Variants in MGLL observed in about 807,000 individuals in gnomAD.
MGLL encodes lysophospholipase homolog.
In MGLL, 7 loss-of-function variants were observed where a neutral mutation model predicts 29.1. The ratio of observed to expected loss-of-function variants is 0.24; its 90% confidence interval spans 0.14 to 0.45. The LOEUF (loss-of-function observed/expected upper bound fraction) is 0.45. Among genes scored for constraint, MGLL ranks in the 20% least tolerant of loss-of-function variants. MGLL has a pLI of 0.99. For missense variants in MGLL, 356 were observed against 413.6 expected (o/e 0.86, Z 1.21); for synonymous variants, 148 against 168.3 (o/e 0.88, Z 0.93).
rs141993157 is a variant in MGLL, at chr3:127,792,758, C to T, written c.156-10863G>A. ...AAGTGCTTTGAAGATGAAAAGCTGC[C>T]GGTAGGTACCAGTTCACTTCTCTAG... On this transcript the variant is annotated intron_variant, in intron 2 of 7. Transcript: ENST00000265052. Among the ~76,000 whole-genome samples, 1,163 of 152,222 alleles carry T rather than the reference C, an allele frequency of 7.6e-3. 16 individuals are homozygous for T. The highest frequency in any genetic ancestry group is 0.027 in the African/African-American group (1,102 of 41,528).
At chr3:127,788,099 T>A (rs920922649) in intron 2 of MGLL, among the ~76,000 whole-genome samples, 4 of 152,176 alleles carry the variant, frequency 2.6e-5, no homozygotes, top group South Asian at 2.1e-4. Flanking sequence ...CTCCTTTGTA[T>A]AATAAAACAG....
chr3:127,774,290 G>A (rs183879974), intron 3 of MGLL, among the ~76,000 whole-genome samples: 2 of 152,316 alleles, frequency 1.3e-5, no homozygotes, highest in African/African-American at 4.8e-5. Flanking sequence ...CCAAATGACT[G>A]CCACAGCCTC....
intron 5 of MGLL, among the ~76,000 whole-genome samples, chr3:127,717,573 G>C (rs1167143571): frequency 2.0e-5 from 3 of 152,228 alleles, no homozygotes; most frequent in Non-Finnish European, 2.9e-5. Context: ...TTGGCGGAGA[G>C]TGGGAGTATC....
chr3:127,710,773 C>T, intron 5 of MGLL, 108 bp from the exon 6 acceptor site: 1 of 1,034,146 alleles, frequency 9.7e-7, no homozygotes, highest in Non-Finnish European at 1.5e-6. Flanking sequence ...CCAAACTGAA[C>T]ATCAGCCAGG....
At chr3:127,816,083 G>C (rs143922274) in intron 2 of MGLL, among the ~76,000 whole-genome samples, 1 of 152,328 alleles carries the variant, frequency 6.6e-6, no homozygotes, top group Non-Finnish European at 1.5e-5. Flanking sequence ...GTTCAAAATG[G>C]CCACTTGAAG....
At chr3:127,806,133 G>C (rs191141959) in intron 2 of MGLL, among the ~76,000 whole-genome samples, 10 of 152,186 alleles carry the variant, frequency 6.6e-5, no homozygotes, top group African/African-American at 2.4e-4. Flanking sequence ...CATGAGCATG[G>C]GACTGTGAGG....
chr3:127,785,188 TC>T (rs2077192168), intron 2 of MGLL, among the ~76,000 whole-genome samples: 2 of 151,576 alleles, frequency 1.3e-5, no homozygotes, highest in African/African-American at 2.4e-5. Context: ...TGTGAGACCT[TC>T]CCCCCTCCTT....
intron 5 of MGLL, among the ~76,000 whole-genome samples, chr3:127,719,785 G>A (rs1031098938): frequency 2.6e-5 from 4 of 152,166 alleles, no homozygotes; most frequent in African/African-American, 9.7e-5. Flanking sequence ...GTCCCACACA[G>A]CACTGAACTT....
chr3:127,741,894 A>G (rs1036418438), intron 3 of MGLL, among the ~76,000 whole-genome samples: 2 of 152,180 alleles, frequency 1.3e-5, no homozygotes, highest in African/African-American at 4.8e-5. Flanking sequence ...TTATTGCATC[A>G]TTTGTACTCA....
At chr3:127,799,950 T>G (rs950851484) in intron 2 of MGLL, among the ~76,000 whole-genome samples, 2 of 152,264 alleles carry the variant, frequency 1.3e-5, no homozygotes, top group African/African-American at 4.8e-5. Context: ...ACTGTTCATA[T>G]GGCTGCCCAG....
At chr3:127,801,234 G>A (rs547177734) in intron 2 of MGLL, among the ~76,000 whole-genome samples, 125 of 151,376 alleles carry the variant, frequency 8.3e-4, no homozygotes, top group East Asian at 3.9e-4. Flanking sequence ...CCCAGGAAGT[G>A]GAGGTTGCAG....
intron 3 of MGLL, among the ~76,000 whole-genome samples, chr3:127,776,773 A>G (rs1462701187): frequency 1.3e-5 from 2 of 152,220 alleles, no homozygotes; most frequent in African/African-American, 4.8e-5. Context: ...TAATATTTAA[A>G]GCATTTCTGG....
intron 3 of MGLL, among the ~76,000 whole-genome samples, chr3:127,756,736 T>A (rs988454193): frequency 1.3e-5 from 2 of 152,248 alleles, no homozygotes; most frequent in African/African-American, 4.8e-5. Context: ...AATTGACTGT[T>A]ACAACTAGTC....
intron 7 of MGLL, among the ~76,000 whole-genome samples, chr3:127,694,307 A>ATATG (rs1241701398): frequency 8.1e-6 from 1 of 123,804 alleles, no homozygotes; most frequent in African/African-American, 2.9e-5. Flanking sequence ...ATATATATAT[A>ATATG]TGTATGTGTG....
At chr3:127,749,604 C>T (rs1427726505) in intron 3 of MGLL, among the ~76,000 whole-genome samples, 2 of 152,270 alleles carry the variant, frequency 1.3e-5, no homozygotes, top group East Asian at 3.9e-4. Flanking sequence ...GACATTGCAC[C>T]CCTCGCCAGT....
chr3:127,726,185 A>AAAGAAAGAAAGAAAGAAAG (rs61500053), intron 3 of MGLL, among the ~76,000 whole-genome samples: 17 of 66,556 alleles, frequency 2.6e-4, no homozygotes, highest in Admixed American at 9.8e-4. Flanking sequence ...AGAAAGAAAG[A>AAAGAAAGAAAGAAAGAAAG]AAAGAAAAGA....
At chr3:127,754,256 C>T (rs868418795) in intron 3 of MGLL, among the ~76,000 whole-genome samples, 2 of 152,214 alleles carry the variant, frequency 1.3e-5, no homozygotes, top group Non-Finnish European at 2.9e-5. Context: ...CTCCCAGTTC[C>T]CCTGAAAAGA....
chr3:127,804,345 C>T (rs1018470148), intron 2 of MGLL, among the ~76,000 whole-genome samples: 8 of 152,234 alleles, frequency 5.3e-5, no homozygotes, highest in South Asian at 2.1e-4. Context: ...TCAAATGTCA[C>T]GTCTGCTTAA....
intron 3 of MGLL, among the ~76,000 whole-genome samples, chr3:127,767,330 G>T (rs1347059206): frequency 6.6e-6 from 1 of 152,214 alleles, no homozygotes; most frequent in Non-Finnish European, 1.5e-5. Flanking sequence ...AGCAGTCAGT[G>T]GCAAGGGCAG....
Sources: allele counts gnomAD v4.1 joint callset (sites outside exome capture counted in the v4.1 genomes callset), GRCh38; gene constraint gnomAD v4.1.1; transcripts MANE v1.5; gene names NCBI Gene and HGNC (gene_info 2026-07-23, HGNC 2026-07-21).